NRG1: variants seen among roughly 807,000 people sequenced by gnomAD.
NRG1 encodes the protein neuregulin 1.
A neutral mutation model predicts 63.8 loss-of-function variants in NRG1; 18 were observed. That is an observed-to-expected ratio of 0.28 (90% confidence interval 0.19 to 0.42). NRG1 has a LOEUF of 0.42. Among genes scored for constraint, NRG1 ranks in the 10% least tolerant of loss-of-function variants. NRG1 has a pLI of 1.00. For missense variants in NRG1, 762 were observed against 814.7 expected (o/e 0.94, Z 0.79); for synonymous variants, 302 against 301.3 (o/e 1.00, Z -0.02).
chr8:32,625,941 G>A (rs192959023), intron 5 of NRG1, among the ~76,000 whole-genome samples: 13 of 151,870 alleles, frequency 8.6e-5, no homozygotes, highest in African/African-American at 1.7e-4. Context: ...TTACAGGTGC[G>A]TGCCACCACG....
At position 32,162,218 on chromosome 8, in the gene NRG1, A is replaced by G. The variant is rs977378235; in HGVS notation, c.38-433610A>G. Among the ~76,000 whole-genome samples the G allele has an allele frequency of 1.1e-4, 17 of 152,226 alleles. No homozygotes were observed. In the East Asian group the frequency reaches 2.3e-3, roughly 21 times the overall value. On this transcript the variant is annotated intron_variant, in intron 1 of 10. Transcript: ENST00000519301. ...TTCATACATCTGTCACTAAATTGAT[A>G]TGAAAGAAATATTTGATCTCAGAAA... is the stretch of plus-strand genomic sequence containing the variant.
At chr8:32,068,182 T>C (rs1825181406) in intron 1 of NRG1, among the ~76,000 whole-genome samples, 1 of 152,236 alleles carries the variant, frequency 6.6e-6, no homozygotes, top group African/African-American at 2.4e-5. Flanking sequence ...GGTAAATCAC[T>C]TAACCTCTAC....
intron 1 of NRG1, among the ~76,000 whole-genome samples, chr8:32,398,056 A>G (rs1812672238): frequency 6.6e-6 from 1 of 152,162 alleles, no homozygotes; most frequent in Non-Finnish European, 1.5e-5. Context: ...AATATACACA[A>G]ACACCTGATT....
At chr8:31,762,536 T>C (rs1478779608) in intron 1 of NRG1, among the ~76,000 whole-genome samples, 7 of 152,232 alleles carry the variant, frequency 4.6e-5, no homozygotes, top group African/African-American at 1.7e-4. Context: ...AGTAGAATGA[T>C]TTATATGCCT....
chr8:32,596,525 G>A (rs890455444), intron 2 of NRG1, among the ~76,000 whole-genome samples: 3 of 151,740 alleles, frequency 2.0e-5, no homozygotes, highest in Non-Finnish European at 2.9e-5. Context: ...ACTTGAACCC[G>A]GGAGGTGGAG....
At chr8:32,535,601 A>C (rs1228173236) in intron 1 of NRG1, among the ~76,000 whole-genome samples, 4 of 152,192 alleles carry the variant, frequency 2.6e-5, no homozygotes, top group African/African-American at 9.6e-5. Flanking sequence ...TGTTCTGTGA[A>C]TCTGGCTGAT....
chr8:32,764,481 A>T, exon 12 of NRG1: 2 of 1,246,264 alleles, frequency 1.6e-6, no homozygotes, highest in Middle Eastern at 2.6e-4. Context: ...TAAACAATTT[A>T]TTTTATTTTA....
At chr8:32,399,568 G>A (rs1281128364) in intron 1 of NRG1, among the ~76,000 whole-genome samples, 2 of 152,110 alleles carry the variant, frequency 1.3e-5, no homozygotes, top group African/African-American at 4.8e-5. Flanking sequence ...AGCCAGGTGT[G>A]GTGGCAAGTG....
intron 1 of NRG1, among the ~76,000 whole-genome samples, chr8:31,892,477 A>G (rs911866163): frequency 1.3e-5 from 2 of 152,156 alleles, no homozygotes; most frequent in Admixed American, 6.5e-5. Flanking sequence ...ACACAAAAAT[A>G]GGAAATTCTT....
chr8:31,984,134 A>G (rs1236277504), intron 1 of NRG1, among the ~76,000 whole-genome samples: 1 of 152,136 alleles, frequency 6.6e-6, no homozygotes, highest in African/African-American at 2.4e-5. Flanking sequence ...CTATCTAAAA[A>G]TAATAAACTT....
intron 1 of NRG1, among the ~76,000 whole-genome samples, chr8:31,741,182 A>G (rs754296273): frequency 7.9e-5 from 12 of 152,034 alleles, no homozygotes; most frequent in Admixed American, 2.0e-4. Flanking sequence ...ATTCATGGAC[A>G]TATAGATGGC....
intron 1 of NRG1, among the ~76,000 whole-genome samples, chr8:32,315,304 C>G (rs1005136693): frequency 4.6e-5 from 7 of 152,196 alleles, no homozygotes; most frequent in African/African-American, 1.7e-4. Flanking sequence ...TCTCATTGTT[C>G]AGCTCCCACT....
intron 1 of NRG1, among the ~76,000 whole-genome samples, chr8:31,741,656 C>G (rs1255350583): frequency 6.6e-6 from 1 of 151,854 alleles, no homozygotes; most frequent in East Asian, 1.9e-4. Flanking sequence ...GAAAAATAGA[C>G]CATACTGAGA....
At chr8:32,215,839 C>T (rs1374180947) in intron 1 of NRG1, among the ~76,000 whole-genome samples, 1 of 152,064 alleles carries the variant, frequency 6.6e-6, no homozygotes, top group African/African-American at 2.4e-5. Flanking sequence ...CCCAGGAGTT[C>T]AAGCCCCATC....
intron 1 of NRG1, among the ~76,000 whole-genome samples, chr8:32,005,696 T>C (rs529695984): frequency 1.3e-5 from 2 of 152,100 alleles, no homozygotes; most frequent in East Asian, 3.9e-4. Flanking sequence ...TTCAAATGCC[T>C]CTTCAAAGTG....
At chr8:32,443,366 A>G (rs1472755701) in intron 1 of NRG1, among the ~76,000 whole-genome samples, 1 of 152,190 alleles carries the variant, frequency 6.6e-6, no homozygotes, top group Non-Finnish European at 1.5e-5. Context: ...AAACTTAGTA[A>G]TATGCTTCCT....
At chr8:31,745,068 TG>T (rs571110017) in intron 1 of NRG1, among the ~76,000 whole-genome samples, 159 of 152,130 alleles carry the variant, frequency 1.0e-3, no homozygotes, top group Non-Finnish European at 1.9e-3. Context: ...GCAGAGTTAA[TG>T]CTTGTCAGAA....
chr8:32,239,730 A>G (rs192683584), intron 1 of NRG1, among the ~76,000 whole-genome samples: 4 of 152,288 alleles, frequency 2.6e-5, no homozygotes, highest in Non-Finnish European at 5.9e-5. Context: ...AAACGATCCA[A>G]TTAGGAAAAT....
At chr8:32,301,804 T>G (rs1043849020) in intron 1 of NRG1, among the ~76,000 whole-genome samples, 4 of 152,108 alleles carry the variant, frequency 2.6e-5, no homozygotes, top group African/African-American at 9.7e-5. Context: ...CTCCCACGGG[T>G]TCCTCCCACA....
Sources: allele counts gnomAD v4.1 joint callset (sites outside exome capture counted in the v4.1 genomes callset), GRCh38; gene constraint gnomAD v4.1.1; transcripts MANE v1.5; gene names NCBI Gene and HGNC (gene_info 2026-07-23, HGNC 2026-07-21).